The following NALF1 variants were observed in gnomAD, a reference collection of about 807,000 sequenced individuals.
The protein encoded by NALF1 is family with sequence similarity 155 member A.
A neutral mutation model predicts 48.4 loss-of-function variants in NALF1; 3 were observed. That is an observed-to-expected ratio of 0.06 (90% CI 0.03 to 0.16). The LOEUF is 0.16. Among genes scored for constraint, NALF1 ranks in the 10% least tolerant of loss-of-function variants. The pLI is 1.00. For synonymous variants in NALF1, 262 were observed against 245.7 expected (o/e 1.07, Z -0.62); for missense variants, 526 against 571.5 (o/e 0.92, Z 0.81).
At chr13:107,549,233 T>C (rs1354352368) in intron 1 of NALF1, among the ~76,000 whole-genome samples, 1 of 152,154 alleles carries the variant, frequency 6.6e-6, no homozygotes, top group Non-Finnish European at 1.5e-5. Flanking sequence ...CTTACATTTA[T>C]CAATTGAGGG....
At chr13:107,787,688 TTA>T (rs1878115497) in intron 1 of NALF1, among the ~76,000 whole-genome samples, 1 of 152,228 alleles carries the variant, frequency 6.6e-6, no homozygotes, top group Non-Finnish European at 1.5e-5. Context: ...ATTTCTGAAG[TTA>T]TGTTTTTAGA....
At chr13:107,674,888 C>T (rs139392799) in intron 1 of NALF1, among the ~76,000 whole-genome samples, 5 of 152,258 alleles carry the variant, frequency 3.3e-5, no homozygotes, top group African/African-American at 1.2e-4. Flanking sequence ...ACTCCCTCCC[C>T]AGCGACTCAA....
intron 1 of NALF1, among the ~76,000 whole-genome samples, chr13:107,746,245 C>T (rs1461517332): frequency 6.6e-6 from 1 of 152,148 alleles, no homozygotes; most frequent in Admixed American, 6.5e-5. Flanking sequence ...TGTAAGTTTC[C>T]TGAGGCCTCC....
chr13:107,493,109 T>C (rs1308542421), intron 1 of NALF1, among the ~76,000 whole-genome samples: 1 of 152,138 alleles, frequency 6.6e-6, no homozygotes, highest in Admixed American at 6.5e-5. Context: ...ATAGCCCTGA[T>C]ATGCCCAAAA....
intron 1 of NALF1, among the ~76,000 whole-genome samples, chr13:107,545,178 A>T (rs1877104344): frequency 6.6e-6 from 1 of 152,208 alleles, no homozygotes; most frequent in Non-Finnish European, 1.5e-5. Context: ...TTCACATAAG[A>T]TGAAGAAACA....
chr13:107,649,508 A>G (rs1331201924), intron 1 of NALF1, among the ~76,000 whole-genome samples: 1 of 152,230 alleles, frequency 6.6e-6, no homozygotes, highest in Non-Finnish European at 1.5e-5. Flanking sequence ...CCACACATGT[A>G]CAATTAAGTC....
intron 1 of NALF1, among the ~76,000 whole-genome samples, chr13:107,375,379 C>G (rs150789118): frequency 6.6e-6 from 1 of 151,828 alleles, no homozygotes; most frequent in Non-Finnish European, 1.5e-5. Context: ...TTCATGTTCT[C>G]GAAGAGACTC....
intron 1 of NALF1, among the ~76,000 whole-genome samples, chr13:107,502,945 T>C (rs1875568219): frequency 6.6e-6 from 1 of 152,138 alleles, no homozygotes; most frequent in Non-Finnish European, 1.5e-5. Flanking sequence ...CATCCCACAG[T>C]GTATCCAGCC....
Position 107,319,479 on chromosome 13 carries a change from C to T in NALF1, c.916-108724G>A, listed in dbSNP as rs747060120. ...ATAAACAGGATGGAACAGATAAAGG[C>T]GCAATATAAGGAGTATACTTGTTAA... On this transcript the variant is annotated intron_variant, in intron 1 of 2. Coordinates refer to ENST00000375915, the MANE Select transcript of NALF1 (RefSeq NM_001080396.3). Among the ~76,000 whole-genome samples, 7 of 151,784 alleles carry T rather than the reference C, an allele frequency of 4.6e-5. No homozygotes were observed. The East Asian group carries it at 5.8e-4, about 13-fold the overall frequency.
chr13:107,275,942 G>A (rs1338522044), intron 1 of NALF1, among the ~76,000 whole-genome samples: 1 of 152,100 alleles, frequency 6.6e-6, no homozygotes, highest in East Asian at 1.9e-4. Context: ...GGACGTTGAG[G>A]TGAGGTCCTC....
intron 1 of NALF1, among the ~76,000 whole-genome samples, chr13:107,400,667 G>A (rs1883789109): frequency 6.6e-6 from 1 of 152,108 alleles, no homozygotes; most frequent in African/African-American, 2.4e-5. Flanking sequence ...TCGTGCCACT[G>A]CACTCCAGCC....
Position 107,164,184 on chromosome 13 carries a change from G to T in NALF1, c.*6313C>A, listed in dbSNP as rs1309855201. On this transcript the variant is annotated 3_prime_UTR_variant, in exon 3 of 3. Coordinates refer to ENST00000375915, the MANE Select transcript of NALF1 (RefSeq NM_001080396.3). ...CAATGCTCATTACCTGGTCTTCACTGAAGTTGTAAATTTATTTCACTGATC... is the reference window on the plus strand; with the variant it reads ...CAATGCTCATTACCTGGTCTTCACTTAAGTTGTAAATTTATTTCACTGATC... The T allele has an allele frequency of 6.6e-6, 1 of 152,138 alleles. No individual in the cohort carries two copies. The highest frequency in any genetic ancestry group is 2.4e-5 in the African/African-American group (1 of 41,428). The allele number at this position is 152,138 out of a possible 1,614,324, so 9.4% of individuals were successfully genotyped here.
chr13:107,740,031 A>G (rs1201557955), intron 1 of NALF1, among the ~76,000 whole-genome samples: 4 of 152,178 alleles, frequency 2.6e-5, no homozygotes, highest in Admixed American at 6.5e-5. Context: ...TGTAATAATA[A>G]TAGAAATAAA....
intron 1 of NALF1, among the ~76,000 whole-genome samples, chr13:107,413,112 G>A (rs763497593): frequency 1.1e-4 from 17 of 152,080 alleles, no homozygotes; most frequent in Admixed American, 2.0e-4. Flanking sequence ...TGGGTAGAAG[G>A]GAACACAATG....
At chr13:107,320,589 C>T (rs1458063456) in intron 1 of NALF1, among the ~76,000 whole-genome samples, 2 of 152,004 alleles carry the variant, frequency 1.3e-5, no homozygotes, top group African/African-American at 4.8e-5. Context: ...AGGAATTATT[C>T]CTATAATCCC....
At chr13:107,782,422 G>A (rs932536982) in intron 1 of NALF1, among the ~76,000 whole-genome samples, 5 of 152,226 alleles carry the variant, frequency 3.3e-5, no homozygotes, top group East Asian at 1.9e-4. Flanking sequence ...CCTCCCAGCC[G>A]CCTGCCTTGG....
rs1460781090 is a variant in NALF1 at position 107,628,455 on chromosome 13, C to T, written c.915+237227G>A. 2.6e-5 allele frequency among the ~76,000 whole-genome samples: 4 copies of T among 152,070 alleles called. No individual in the cohort carries two copies. In the East Asian group the frequency reaches 5.8e-4, roughly 22 times the overall value. Reference sequence around the variant, plus strand: ...TGCCAAGTGATACGCTAATGGATCTCCTGCTGTTAGAGGCTCAGTTGGAAA... The same window carrying T: ...TGCCAAGTGATACGCTAATGGATCTTCTGCTGTTAGAGGCTCAGTTGGAAA... On this transcript the variant is annotated intron_variant, in intron 1 of 2. Transcript: ENST00000375915.
intron 1 of NALF1, among the ~76,000 whole-genome samples, chr13:107,579,544 T>C (rs2138409190): frequency 6.6e-6 from 1 of 151,902 alleles, no homozygotes; most frequent in Non-Finnish European, 1.5e-5. Flanking sequence ...CATGGCCCCT[T>C]GTGTCTCTTT....
chr13:107,625,247 T>C (rs888868121), intron 1 of NALF1, among the ~76,000 whole-genome samples: 22 of 152,040 alleles, frequency 1.4e-4, no homozygotes, highest in Non-Finnish European at 2.1e-4. Context: ...GCAATGTACT[T>C]GAGAAACAAT....
Sources: gnomAD v4.1 joint callset for allele counts (sites outside exome capture counted in the v4.1 genomes callset) on GRCh38, gnomAD v4.1.1 for gene constraint, MANE v1.5 for transcripts, NCBI Gene and HGNC (gene_info 2026-07-23, HGNC 2026-07-21) for gene names.